Variants in SPIDR observed in about 807,000 individuals in gnomAD.
SPIDR encodes DNA repair-scaffolding protein.
Under a neutral mutation model 104.6 loss-of-function variants are expected in SPIDR, and 93 were observed. That is an observed-to-expected ratio of 0.89 (90% CI 0.75 to 1.06). The LOEUF is 1.06. SPIDR is among the 50% of genes least tolerant of loss of function. The pLI, the probability that SPIDR is intolerant of heterozygous loss-of-function variation, is 0.00. For synonymous variants in SPIDR, 431 were observed against 416.9 expected (o/e 1.03, Z -0.41); for missense variants, 1,154 against 1,111.2 (o/e 1.04, Z -0.55).
At chr8:47,436,135 T>C (rs1404634876) in intron 7 of SPIDR, among the ~76,000 whole-genome samples, 3 of 152,246 alleles carry the variant, frequency 2.0e-5, no homozygotes, top group Non-Finnish European at 4.4e-5. Flanking sequence ...GTACATTTGC[T>C]GTGTTTGCAC....
intron 8 of SPIDR, among the ~76,000 whole-genome samples, chr8:47,448,760 G>A (rs2071164132): frequency 6.6e-6 from 1 of 152,062 alleles, no homozygotes; most frequent in Non-Finnish European, 1.5e-5. Flanking sequence ...CCCTATCTGA[G>A]CTAAAAGGGC....
chr8:47,565,971 C>CATATATATAT (rs1170408396), intron 8 of SPIDR, among the ~76,000 whole-genome samples: 64 of 41,434 alleles, frequency 1.5e-3, no homozygotes, highest in South Asian at 2.3e-3. Context: ...TATTTATACT[C>CATATATATAT]ATATATATAT....
intron 10 of SPIDR, among the ~76,000 whole-genome samples, chr8:47,657,164 T>C (rs1354966557): frequency 1.3e-5 from 2 of 152,216 alleles, no homozygotes; most frequent in East Asian, 1.9e-4. Context: ...TTTTATGTTA[T>C]GTGTATTTTG....
At chr8:47,550,827 G>A (rs1382430314) in intron 8 of SPIDR, among the ~76,000 whole-genome samples, 1 of 151,884 alleles carries the variant, frequency 6.6e-6, no homozygotes, top group Non-Finnish European at 1.5e-5. Flanking sequence ...TCGTGAAGGA[G>A]GGCATCCCTG....
chr8:47,541,888 G>A (rs576679809), intron 8 of SPIDR, among the ~76,000 whole-genome samples: 6 of 152,240 alleles, frequency 3.9e-5, no homozygotes, highest in South Asian at 2.1e-4. Flanking sequence ...CCGAGATTGC[G>A]CCACTGCACT....
chr8:47,598,524 A>G (rs2061882498), intron 9 of SPIDR, among the ~76,000 whole-genome samples: 1 of 152,244 alleles, frequency 6.6e-6, no homozygotes, highest in Non-Finnish European at 1.5e-5. Flanking sequence ...AGGAGATTGC[A>G]CATACAAGAA....
At chr8:47,327,941 A>T (rs1587032557) in intron 5 of SPIDR, among the ~76,000 whole-genome samples, 1 of 146,540 alleles carries the variant, frequency 6.8e-6, no homozygotes, top group Non-Finnish European at 1.5e-5. Context: ...GAAGCGATCC[A>T]CCCACCTTGG....
rs1316662706 is a variant in SPIDR, at chr8:47,322,839, C to CA, written c.525+28815dup. Among the ~76,000 whole-genome samples, 6 of 151,324 alleles carry CA rather than the reference C, an allele frequency of 4.0e-5. No individual in the cohort carries two copies. The East Asian group carries it at 1.2e-3, about 30-fold the overall frequency. The stretch of plus-strand genomic sequence containing the variant: ...CATTCTCAGCAAACTATCAGAAGGA[C>CA]AAAAAACCAAACAGCGCATGTTCTC... On this transcript the variant is annotated intron_variant, in intron 5 of 19. Coordinates refer to ENST00000297423, the MANE Select transcript of SPIDR (RefSeq NM_001080394.4).
At chr8:47,391,078 T>C (rs1227359940) in intron 5 of SPIDR, among the ~76,000 whole-genome samples, 1 of 152,172 alleles carries the variant, frequency 6.6e-6, no homozygotes, top group Non-Finnish European at 1.5e-5. Flanking sequence ...CCAAGACAGC[T>C]GGTGTCCGGT....
At chr8:47,394,037 G>A (rs1434084044) in intron 5 of SPIDR, among the ~76,000 whole-genome samples, 1 of 152,050 alleles carries the variant, frequency 6.6e-6, no homozygotes, top group African/African-American at 2.4e-5. Flanking sequence ...TTGCCCAATA[G>A]CTGGGACTAC....
chr8:47,440,975 G>T (rs1313660545), intron 8 of SPIDR, among the ~76,000 whole-genome samples: 2 of 152,180 alleles, frequency 1.3e-5, no homozygotes, highest in African/African-American at 4.8e-5. Flanking sequence ...AGCAAAAATG[G>T]TCATTATTGG....
chr8:47,492,547 T>C (rs953656566), intron 8 of SPIDR, among the ~76,000 whole-genome samples: 2 of 152,192 alleles, frequency 1.3e-5, no homozygotes, highest in South Asian at 4.2e-4. Flanking sequence ...GAATGACTCT[T>C]TGGTTCCTTT....
intron 14 of SPIDR, among the ~76,000 whole-genome samples, chr8:47,711,297 G>A (rs1416923590): frequency 1.3e-5 from 2 of 152,076 alleles, no homozygotes; most frequent in African/African-American, 2.4e-5. Context: ...AAGAAGCTCT[G>A]GTTGATTTTA....
chr8:47,716,457 G>T (rs1441988712), intron 16 of SPIDR, among the ~76,000 whole-genome samples: 3 of 152,144 alleles, frequency 2.0e-5, no homozygotes, highest in Non-Finnish European at 4.4e-5. Flanking sequence ...TCCTTTTGGG[G>T]TTAATGCTAA....
At chr8:47,606,096 G>A (rs540663304) in intron 10 of SPIDR, among the ~76,000 whole-genome samples, 1 of 152,308 alleles carries the variant, frequency 6.6e-6, no homozygotes, top group South Asian at 2.1e-4. Flanking sequence ...GACCACTGCT[G>A]TCTAAATGAT....
intron 8 of SPIDR, among the ~76,000 whole-genome samples, chr8:47,524,524 C>T (rs1213480974): frequency 6.6e-6 from 1 of 152,188 alleles, no homozygotes; most frequent in African/African-American, 2.4e-5. Context: ...GAACTGCAGG[C>T]TCTCAGCATT....
intron 8 of SPIDR, among the ~76,000 whole-genome samples, chr8:47,586,126 A>G (rs1490582614): frequency 6.6e-6 from 1 of 152,178 alleles, no homozygotes; most frequent in African/African-American, 2.4e-5. Context: ...TTGTTTAACC[A>G]TTCACCCATT....
At chr8:47,549,468 G>A (rs533141306) in intron 8 of SPIDR, among the ~76,000 whole-genome samples, 40 of 152,282 alleles carry the variant, frequency 2.6e-4, no homozygotes, top group African/African-American at 9.1e-4. Flanking sequence ...CATTCTAACT[G>A]GTGTGAGATA....
At chr8:47,497,658 C>A (rs972754921) in intron 8 of SPIDR, among the ~76,000 whole-genome samples, 1 of 152,170 alleles carries the variant, frequency 6.6e-6, no homozygotes, top group Non-Finnish European at 1.5e-5. Context: ...AAGCTTTTTA[C>A]AACTTTTCAT....
Sources: allele counts gnomAD v4.1 joint callset (sites outside exome capture counted in the v4.1 genomes callset), GRCh38; gene constraint gnomAD v4.1.1; transcripts MANE v1.5; gene names NCBI Gene and HGNC (gene_info 2026-07-23, HGNC 2026-07-21).